The following DCC variants were observed in gnomAD, a reference collection of about 807,000 sequenced individuals.
DCC encodes netrin receptor DCC.
DCC carries 58 observed loss-of-function variants against 172.5 expected under a neutral mutation model. The ratio of observed to expected loss-of-function variants is 0.34; its 90% CI spans 0.27 to 0.42. The LOEUF is 0.42. DCC is among the 10% of genes least tolerant of loss of function. The pLI is 1.00. For missense variants in DCC, 1,740 were observed against 1,791.0 expected (o/e 0.97, Z 0.51); for synonymous variants, 709 against 644.5 (o/e 1.10, Z -1.52).
chr18:53,292,131 C>A (rs1023449489), intron 12 of DCC, among the ~76,000 whole-genome samples: 15 of 140,988 alleles, frequency 1.1e-4, no homozygotes, highest in African/African-American at 3.1e-4. Flanking sequence ...CCCCTTTTTT[C>A]CTGTAAGCTG....
chr18:52,621,870 C>T (rs1205101234), intron 1 of DCC, among the ~76,000 whole-genome samples: 1 of 152,134 alleles, frequency 6.6e-6, no homozygotes, highest in African/African-American at 2.4e-5. Context: ...ACTTGCTTTG[C>T]CATGAAGGGG....
intron 15 of DCC, among the ~76,000 whole-genome samples, chr18:53,360,692 C>T (rs564097577): frequency 2.6e-5 from 4 of 152,244 alleles, no homozygotes; most frequent in South Asian, 2.1e-4. Flanking sequence ...CACCCTTACA[C>T]GTCATTATGT....
chr18:52,883,924 G>A (rs994912780), intron 2 of DCC, among the ~76,000 whole-genome samples: 4 of 151,000 alleles, frequency 2.6e-5, no homozygotes, highest in African/African-American at 9.7e-5. Context: ...TGTGTATCTA[G>A]GATGGGCTTT....
In DCC at chr18:53,240,026, TAAA is replaced by T. The variant is rs68158437; in HGVS notation, c.1911+24451_1911+24453del. On this transcript the variant is annotated intron_variant, in intron 12 of 28. Transcript: ENST00000442544. ...ACATTCAAAATTCTAGTTCTAGAGT[TAAA>T]AAAAAAAAAAAAAAAAAAAAACAAC... Among the ~76,000 whole-genome samples the T allele has an allele frequency of 4.5e-3, 308 of 69,036 alleles. 2 individuals carry two copies. The highest frequency in any genetic ancestry group is 0.014 in the African/African-American group (292 of 21,202). 45.3% of individuals were successfully genotyped at this position (69,036 alleles called of 152,430 possible).
At chr18:53,293,853 T>A (rs1245718605) in intron 12 of DCC, among the ~76,000 whole-genome samples, 1 of 152,138 alleles carries the variant, frequency 6.6e-6, no homozygotes, top group East Asian at 1.9e-4. Context: ...ATATATTACT[T>A]TGGAAGTGTG....
intron 23 of DCC, among the ~76,000 whole-genome samples, 195 bp from the exon 24 acceptor site, chr18:53,459,037 T>C (rs2045516919): frequency 6.6e-6 from 1 of 152,186 alleles, no homozygotes; most frequent in South Asian, 2.1e-4. Flanking sequence ...CACTGCATCC[T>C]TTATAATGTG....
At chr18:52,544,634 G>C (rs534912866) in intron 1 of DCC, among the ~76,000 whole-genome samples, 2 of 152,216 alleles carry the variant, frequency 1.3e-5, no homozygotes, top group East Asian at 3.9e-4. Context: ...CAAGGCTTTA[G>C]AACAGTGAGC....
chr18:52,610,599 G>A (rs1452531040), intron 1 of DCC, among the ~76,000 whole-genome samples: 1 of 151,604 alleles, frequency 6.6e-6, no homozygotes, highest in Non-Finnish European at 1.5e-5. Context: ...AAATTGACAT[G>A]GACCCCTCTA....
intron 1 of DCC, among the ~76,000 whole-genome samples, chr18:52,370,816 T>C (rs1009307619): frequency 6.6e-6 from 1 of 152,254 alleles, no homozygotes; most frequent in Non-Finnish European, 1.5e-5. Flanking sequence ...AGAAATTGTT[T>C]AACCATTTTA....
At chr18:52,916,510 A>T (rs2040043581) in intron 3 of DCC, among the ~76,000 whole-genome samples, 1 of 152,222 alleles carries the variant, frequency 6.6e-6, no homozygotes, top group Admixed American at 6.5e-5. Flanking sequence ...AAATGTTTCA[A>T]CATTTGGAAG....
chr18:53,414,126 T>A (rs1386965787), intron 20 of DCC, among the ~76,000 whole-genome samples: 2 of 152,186 alleles, frequency 1.3e-5, no homozygotes, highest in Non-Finnish European at 2.9e-5. Flanking sequence ...ATTAAATGGC[T>A]GGTAAACCTT....
intron 1 of DCC, among the ~76,000 whole-genome samples, chr18:52,689,008 C>A (rs2035886525): frequency 3.9e-5 from 6 of 152,082 alleles, no homozygotes. Flanking sequence ...TTAGGCTCAG[C>A]TTTAGGCACC....
chr18:53,519,627 C>T (rs1598842257), intron 27 of DCC, among the ~76,000 whole-genome samples: 1 of 151,670 alleles, frequency 6.6e-6, no homozygotes, highest in Admixed American at 6.6e-5. Flanking sequence ...ATATTCACAG[C>T]TAGGAGCCAT....
At chr18:53,277,913 G>A (rs1422877907) in intron 12 of DCC, among the ~76,000 whole-genome samples, 1 of 152,130 alleles carries the variant, frequency 6.6e-6, no homozygotes, top group Non-Finnish European at 1.5e-5. Context: ...AAAGAAAATG[G>A]CATATTCCTG....
At chr18:52,396,102 T>G (rs1986216598) in intron 1 of DCC, among the ~76,000 whole-genome samples, 2 of 152,030 alleles carry the variant, frequency 1.3e-5, no homozygotes, top group African/African-American at 4.8e-5. Flanking sequence ...ATACTGACGC[T>G]GATGGGTTGT....
At chr18:53,000,168 G>A (rs1272799544) in intron 5 of DCC, among the ~76,000 whole-genome samples, 1 of 152,046 alleles carries the variant, frequency 6.6e-6, no homozygotes, top group Non-Finnish European at 1.5e-5. Flanking sequence ...CACCCAGTTT[G>A]TGGTACTTTG....
At chr18:52,664,065 A>G (rs1322105260) in intron 1 of DCC, among the ~76,000 whole-genome samples, 2 of 152,264 alleles carry the variant, frequency 1.3e-5, no homozygotes, top group African/African-American at 4.8e-5. Flanking sequence ...TTATCTAAGT[A>G]GAGCTGTGTC....
intron 15 of DCC, among the ~76,000 whole-genome samples, chr18:53,348,192 C>A (rs898281163): frequency 7.2e-5 from 11 of 152,160 alleles, no homozygotes; most frequent in African/African-American, 2.2e-4. Flanking sequence ...TTCCTAGATA[C>A]AATGCAGGGA....
rs201054592 is a variant in DCC, at chr18:52,439,171, G to GTT, written c.91+98296_91+98297dup. Among the ~76,000 whole-genome samples the GTT allele has an allele frequency of 5.1e-4, 28 of 55,224 alleles. 1 individual carries two copies. The Admixed American group carries it at 5.5e-3, about 11-fold the overall frequency. The allele number at this position is 55,224 out of a possible 152,430, so 36.2% of individuals were successfully genotyped here. On this transcript the variant is annotated intron_variant, in intron 1 of 28. Transcript: ENST00000442544. ...CCACTGTTAATATTTTGGAAGATAT[G>GTT]TTTTGTGTGTGTGTGTGTGTGTGTG...
Sources: allele counts gnomAD v4.1 joint callset (sites outside exome capture counted in the v4.1 genomes callset), GRCh38; gene constraint gnomAD v4.1.1; transcripts MANE v1.5; gene names NCBI Gene and HGNC (gene_info 2026-07-23, HGNC 2026-07-21).